Variants in UACA observed in about 807,000 individuals in gnomAD.
The protein encoded by UACA is uveal autoantigen with coiled-coil domains and ankyrin repeats, also known as nuclear membrane binding protein.
UACA carries 112 observed loss-of-function variants against 160.5 expected under a neutral mutation model. The observed-to-expected ratio is 0.70, with a 90% CI of 0.60 to 0.82. UACA has a LOEUF of 0.82. Among genes scored for constraint, UACA ranks in the 40% least tolerant of loss-of-function variants. The pLI is 0.00. For missense variants in UACA, 1,574 were observed against 1,614.6 expected, an observed-to-expected ratio of 0.97 and a Z score of 0.43; for synonymous variants, 557 against 568.4, an observed-to-expected ratio of 0.98 and a Z score of 0.29.
At position 70,677,157 on chromosome 15, in the gene UACA, C is replaced by T. The variant is rs1436051918; in HGVS notation, c.1000-17G>A. The stretch of plus-strand genomic sequence containing the variant: ...CATAACTTCCTAAATTTAAAAAGAA[C>T]ACAAAATATTTTAATTCTTAAAAGC... On this transcript the variant is annotated splice_polypyrimidine_tract_variant and intron_variant, in intron 11 of 18. Coordinates refer to ENST00000322954, the MANE Select transcript of UACA (RefSeq NM_018003.4). 3.2e-6 allele frequency: 5 copies of T among 1,584,946 alleles called. No individual in the cohort carries two copies. In the African/African-American group the frequency reaches 5.4e-5, roughly 17 times the overall value.
chr15:70,760,800 C>T (rs150945637), intron 1 of UACA, among the ~76,000 whole-genome samples: 5,804 of 143,730 alleles, frequency 0.04, 169 homozygotes, highest in Non-Finnish European at 0.06. Flanking sequence ...AGCGAGACTC[C>T]GTCTCAAAAA....
intron 3 of UACA, among the ~76,000 whole-genome samples, chr15:70,692,719 T>C (rs1030686442): frequency 6.6e-6 from 1 of 152,142 alleles, no homozygotes. Flanking sequence ...GCAGTAGCCA[T>C]GATTATGCCA....
chr15:70,717,374 T>C (rs926118822), intron 1 of UACA, among the ~76,000 whole-genome samples: 2 of 152,214 alleles, frequency 1.3e-5, no homozygotes, highest in Non-Finnish European at 2.9e-5. Flanking sequence ...TTTGGCAAAC[T>C]TTTTCAGTAA....
At chr15:70,709,982 A>T (rs1898634003) in intron 1 of UACA, among the ~76,000 whole-genome samples, 1 of 152,152 alleles carries the variant, frequency 6.6e-6, no homozygotes, top group African/African-American at 2.4e-5. Flanking sequence ...TCCCTTTAAA[A>T]ATCTAATGAG....
chr15:70,757,454 T>A (rs2030498559), intron 1 of UACA, among the ~76,000 whole-genome samples: 1 of 152,196 alleles, frequency 6.6e-6, no homozygotes, highest in South Asian at 2.1e-4. Flanking sequence ...ATATACTAAC[T>A]CTATCACCCC....
intron 7 of UACA, among the ~76,000 whole-genome samples, chr15:70,687,184 T>A (rs1897755536): frequency 6.6e-6 from 1 of 152,234 alleles, no homozygotes; most frequent in Non-Finnish European, 1.5e-5. Flanking sequence ...ATGTACTTTT[T>A]AAATTCTTCT....
intron 1 of UACA, among the ~76,000 whole-genome samples, chr15:70,711,865 T>C (rs1898690767): frequency 6.6e-6 from 1 of 152,068 alleles, no homozygotes; most frequent in Admixed American, 6.5e-5. Context: ...CTAACCTATC[T>C]ATTAAAAGGT....
the UACA span, among the ~76,000 whole-genome samples, chr15:70,771,782 T>C: frequency 6.6e-6 from 1 of 151,964 alleles, no homozygotes; most frequent in Admixed American, 6.5e-5. Context: ...CTGTCAAGCA[T>C]AGATGTGGAG....
chr15:70,738,695 T>G (rs1899440009), intron 1 of UACA, among the ~76,000 whole-genome samples: 1 of 152,190 alleles, frequency 6.6e-6, no homozygotes, highest in Admixed American at 6.5e-5. Context: ...TATCTGGAAT[T>G]ATTATTTATT....
chr15:70,753,657 A>G (rs529117400), intron 1 of UACA, among the ~76,000 whole-genome samples: 46 of 152,314 alleles, frequency 3.0e-4, no homozygotes, highest in African/African-American at 1.1e-3. Flanking sequence ...CACTTAGAAC[A>G]ATGCCTGGGA....
At chr15:70,761,661 G>A (rs891893830) in intron 1 of UACA, among the ~76,000 whole-genome samples, 1 of 152,074 alleles carries the variant, frequency 6.6e-6, no homozygotes, top group East Asian at 1.9e-4. Flanking sequence ...AAACAGAAAT[G>A]TTTGCTTTTT....
intron 1 of UACA, among the ~76,000 whole-genome samples, chr15:70,742,658 T>C (rs1899573281): frequency 1.3e-5 from 2 of 152,206 alleles, no homozygotes; most frequent in South Asian, 2.1e-4. Flanking sequence ...AATTCTACCA[T>C]AACTCCATAA....
At chr15:70,684,165 A>G (rs1025994719) in intron 8 of UACA, 100 bp downstream of exon 8, 5 of 1,000,480 alleles carry the variant, frequency 5.0e-6, no homozygotes, top group Non-Finnish European at 7.4e-6. Context: ...TCAGTAAGGA[A>G]TGTTTTGCTT....
rs1433847781 is a variant in UACA, at chr15:70,667,639, CT to C, written c.3044del (p.Lys1015SerfsTer19). 1.8e-5 allele frequency: 29 copies of C among 1,612,816 alleles called. No homozygotes were observed. In the Admixed American group the frequency reaches 1.8e-4, roughly 10 times the overall value. Reference protein sequence around the residue: ...LKDQLSEQTQKYSVSEEEVKK... With the variant: ...LKDQLSEQTQXYSVSEEEVKK... ...TGACTTCTTCTTCACTGACACTATA[CT>C]TTTGTGTCTGCTCTGATAACTGGTC... On this transcript the variant is annotated frameshift_variant, in exon 16 of 19. Transcript: ENST00000322954. LOFTEE classifies it high-confidence loss of function.
chr15:70,675,308 G>A (rs1394532134), intron 13 of UACA, among the ~76,000 whole-genome samples: 1 of 152,168 alleles, frequency 6.6e-6, no homozygotes, highest in East Asian at 1.9e-4. Context: ...CTTCAAATGT[G>A]AAGAAGATAG....
At chr15:70,763,244 G>A in intron 1 of UACA, 86 bp downstream of exon 1, 2 of 1,265,020 alleles carry the variant, frequency 1.6e-6, no homozygotes, top group Non-Finnish European at 2.0e-6. Flanking sequence ...GAAAAGCAGA[G>A]GAAGGCGGCG....
intron 1 of UACA, among the ~76,000 whole-genome samples, chr15:70,729,243 C>G (rs185117449): frequency 1.3e-5 from 2 of 152,128 alleles, no homozygotes; most frequent in Admixed American, 6.5e-5. Context: ...CTTGTATGTT[C>G]ACTGCAGCAC....
At chr15:70,754,464 AAAG>A in intron 1 of UACA, among the ~76,000 whole-genome samples, 1 of 152,216 alleles carries the variant, frequency 6.6e-6, no homozygotes, top group Non-Finnish European at 1.5e-5. Context: ...GAGCATGTTT[AAAG>A]AAGGTTAGGC....
Position 70,677,097 on chromosome 15 carries a change from T to A in UACA, c.1032+11A>T. ...ACAATTTTAATGGTTTAAAATAAAATGTCACCCTACCTCGCTTTCCAGATC... is the reference window on the plus strand; with the variant it reads ...ACAATTTTAATGGTTTAAAATAAAAAGTCACCCTACCTCGCTTTCCAGATC... On this transcript the variant is annotated intron_variant, in intron 12 of 18. Transcript: ENST00000322954. The A allele has an allele frequency of 6.3e-7, 1 of 1,598,762 alleles. No homozygotes were observed. The highest frequency in any genetic ancestry group is 8.5e-7 in the Non-Finnish European group (1 of 1,171,702).
Sources: gnomAD v4.1 joint callset for allele counts (sites outside exome capture counted in the v4.1 genomes callset) on GRCh38, gnomAD v4.1.1 for gene constraint, MANE v1.5 for transcripts, NCBI Gene and HGNC (gene_info 2026-07-23, HGNC 2026-07-21) for gene names.